MCPH1: variants seen among roughly 807,000 people sequenced by gnomAD.
MCPH1 encodes microcephalin 1.
A neutral mutation model predicts 84.5 loss-of-function variants in MCPH1; 104 were observed. The observed-to-expected ratio is 1.23, with a 90% CI of 1.05 to 1.45. MCPH1 has a LOEUF of 1.45. MCPH1 is among the 40% of genes most tolerant of loss of function. The pLI, the probability that MCPH1 is intolerant of heterozygous loss-of-function variation, is 0.00. For synonymous variants in MCPH1, 514 were observed against 366.8 expected (o/e 1.40, Z -4.58); for missense variants, 1,498 against 1,005.7 (o/e 1.49, Z -6.62).
chr8:6,417,352 A>C (rs957307028), intron 3 of MCPH1, among the ~76,000 whole-genome samples: 1 of 152,196 alleles, frequency 6.6e-6, no homozygotes, highest in Non-Finnish European at 1.5e-5. Context: ...GTGGTGTGAA[A>C]GGCGTAATAG....
At chr8:6,427,279 G>A (rs1482546232) in intron 3 of MCPH1, among the ~76,000 whole-genome samples, 1 of 152,202 alleles carries the variant, frequency 6.6e-6, no homozygotes, top group Non-Finnish European at 1.5e-5. Context: ...GAAGGCCTAG[G>A]ACATTACTAC....
intron 12 of MCPH1, chr8:6,503,143 C>A (rs556882297): frequency 3.1e-6 from 5 of 1,614,136 alleles, no homozygotes; most frequent in Non-Finnish European, 4.2e-6. Flanking sequence ...TGGCCTTGAG[C>A]GAATAGCCTG....
intron 12 of MCPH1, chr8:6,508,885 A>T (rs1490680180): frequency 6.2e-7 from 1 of 1,613,478 alleles, no homozygotes; most frequent in South Asian, 1.1e-5. Context: ...CCCTCTATGA[A>T]ATCATTCCTT....
chr8:6,409,087 A>C (rs190054130), intron 1 of MCPH1, among the ~76,000 whole-genome samples, 192 bp from the exon 2 acceptor site: 1 of 152,042 alleles, frequency 6.6e-6, no homozygotes, highest in African/African-American at 2.4e-5. Flanking sequence ...GTTTTTCACC[A>C]TGTTGGCCCG....
chr8:6,449,658 A>G (rs1804854243), intron 8 of MCPH1, among the ~76,000 whole-genome samples: 2 of 152,004 alleles, frequency 1.3e-5, no homozygotes, highest in Admixed American at 1.3e-4. Context: ...AAAAAGAAAT[A>G]GGAAATTCCC....
At chr8:6,490,741 A>G (rs1810470158) in intron 11 of MCPH1, among the ~76,000 whole-genome samples, 3 of 152,282 alleles carry the variant, frequency 2.0e-5, no homozygotes, top group African/African-American at 7.2e-5. Context: ...CATACAGAAA[A>G]TTTGTTAGGC....
chr8:6,473,963 G>C (rs191069398), intron 9 of MCPH1: 4 of 1,257,206 alleles, frequency 3.2e-6, no homozygotes, highest in Non-Finnish European at 4.6e-6. Context: ...GTAGGATGCC[G>C]TGGCTTCTTC....
intron 12 of MCPH1, among the ~76,000 whole-genome samples, chr8:6,527,897 C>CTTTTTTTTTTTT (rs1343936237): frequency 1.9e-5 from 2 of 105,952 alleles, no homozygotes; most frequent in Non-Finnish European, 4.5e-5. Context: ...CCCCACGTCT[C>CTTTTTTTTTTTT]TATTTTTTTT....
intron 12 of MCPH1, chr8:6,509,050 T>C: frequency 6.2e-7 from 1 of 1,614,080 alleles, no homozygotes; most frequent in South Asian, 1.1e-5. Context: ...CTGTAAGTCC[T>C]TTAAGGTGAA....
intron 4 of MCPH1, among the ~76,000 whole-genome samples, chr8:6,432,563 T>G (rs1356848571): frequency 2.0e-5 from 3 of 152,230 alleles, no homozygotes; most frequent in Non-Finnish European, 4.4e-5. Flanking sequence ...CTGAGGGTAC[T>G]TTACTCTGAA....
chr8:6,414,417 A>T (rs989753685), intron 2 of MCPH1, among the ~76,000 whole-genome samples: 1 of 152,164 alleles, frequency 6.6e-6, no homozygotes, highest in Non-Finnish European at 1.5e-5. Flanking sequence ...TGATGTAGAA[A>T]GCTTTTCTGA....
intron 13 of MCPH1, among the ~76,000 whole-genome samples, chr8:6,634,236 G>A (rs1586885188): frequency 6.6e-6 from 1 of 152,204 alleles, no homozygotes; most frequent in East Asian, 1.9e-4. Context: ...GAAGGGAACT[G>A]TGAATATTCA....
chr8:6,407,070 CT>C (rs145006191), intron 1 of MCPH1: 10,207 of 342,420 alleles, frequency 0.03, 712 homozygotes, highest in East Asian at 0.23. Context: ...CAAATCCCGC[CT>C]TTCCCCCTAC....
At chr8:6,487,608 A>T (rs1192957568) in intron 11 of MCPH1, among the ~76,000 whole-genome samples, 1 of 152,216 alleles carries the variant, frequency 6.6e-6, no homozygotes, top group Non-Finnish European at 1.5e-5. Flanking sequence ...ATCTTCAGGG[A>T]CATTGTACTT....
intron 13 of MCPH1, chr8:6,624,958 C>T: frequency 1.4e-6 from 1 of 708,284 alleles, no homozygotes; most frequent in Non-Finnish European, 1.7e-6. Flanking sequence ...TCACTGCAAC[C>T]TTCACCTCCT....
At chr8:6,515,514 G>T (rs1816085819) in intron 12 of MCPH1, among the ~76,000 whole-genome samples, 1 of 152,122 alleles carries the variant, frequency 6.6e-6, no homozygotes, top group South Asian at 2.1e-4. Context: ...TCTTAAACTG[G>T]CTCTGTGGGT....
At chr8:6,519,100 G>A (rs1235188479) in intron 12 of MCPH1, among the ~76,000 whole-genome samples, 5 of 152,170 alleles carry the variant, frequency 3.3e-5, no homozygotes, top group Admixed American at 1.3e-4. Context: ...GAACTCCGCT[G>A]CTGGAGAAGA....
At chr8:6,471,211 C>T (rs897392175) in intron 9 of MCPH1, among the ~76,000 whole-genome samples, 9 of 152,062 alleles carry the variant, frequency 5.9e-5, no homozygotes, top group East Asian at 3.9e-4. Flanking sequence ...GCTTTGTAAG[C>T]GTTGGCGCCA....
intron 11 of MCPH1, among the ~76,000 whole-genome samples, chr8:6,497,874 A>G (rs980997516): frequency 1.3e-5 from 2 of 152,232 alleles, no homozygotes; most frequent in Non-Finnish European, 2.9e-5. Context: ...AGGTACATTA[A>G]GTTGAACACT....
Sources: gnomAD v4.1 joint callset for allele counts (sites outside exome capture counted in the v4.1 genomes callset) on GRCh38, gnomAD v4.1.1 for gene constraint, MANE v1.5 for transcripts, NCBI Gene and HGNC (gene_info 2026-07-23, HGNC 2026-07-21) for gene names.